PDE1A: variants seen among roughly 807,000 people sequenced by gnomAD.
PDE1A encodes dual specificity calcium/calmodulin-dependent 3',5'-cyclic nucleotide phosphodiesterase 1A.
A neutral mutation model predicts 61.7 loss-of-function variants in PDE1A; 35 were observed. That is an observed-to-expected ratio of 0.57 (90% CI 0.43 to 0.75). The LOEUF (loss-of-function observed/expected upper bound fraction) is 0.75. PDE1A is among the 30% of genes least tolerant of loss of function. PDE1A has a pLI of 0.00. For synonymous variants in PDE1A, 232 were observed against 213.2 expected, an observed-to-expected ratio of 1.09 and a Z score of -0.77; for missense variants, 597 against 630.6, an observed-to-expected ratio of 0.95 and a Z score of 0.57.
At chr2:182,583,792 T>C in the PDE1A span, among the ~76,000 whole-genome samples, 956 of 152,346 alleles carry the variant, frequency 6.3e-3, 9 homozygotes, top group African/African-American at 0.022. Flanking sequence ...GCCTTCATTA[T>C]ACAATGTTTC....
chr2:182,217,290 T>C (rs57733271), intron 7 of PDE1A, among the ~76,000 whole-genome samples: 24,232 of 53,664 alleles, frequency 0.45, 4,335 homozygotes, highest in East Asian at 0.63. Context: ...AAGACTTAAA[T>C]GTTAGACCTA....
chr2:182,421,521 C>T (rs925489980), intron 1 of PDE1A, among the ~76,000 whole-genome samples: 1 of 152,168 alleles, frequency 6.6e-6, no homozygotes, highest in Non-Finnish European at 1.5e-5. Context: ...ACACTTGCTA[C>T]TGCTGCTGAT....
intron 10 of PDE1A, among the ~76,000 whole-genome samples, chr2:182,199,322 T>G (rs1483134562): frequency 6.6e-6 from 1 of 151,980 alleles, no homozygotes; most frequent in Non-Finnish European, 1.5e-5. Context: ...GTTTTTGGCT[T>G]TTATATTTAT....
the PDE1A span, among the ~76,000 whole-genome samples, chr2:182,528,768 C>T: frequency 0.066 from 10,081 of 152,264 alleles, 359 homozygotes; most frequent in Middle Eastern, 0.1. Context: ...CCAGCCAGTC[C>T]AGCCATGGCT....
At chr2:182,377,979 T>TCAGCCTCCTGAGGC (rs1700510457) in intron 1 of PDE1A, among the ~76,000 whole-genome samples, 1 of 152,022 alleles carries the variant, frequency 6.6e-6, no homozygotes, top group Non-Finnish European at 1.5e-5. Context: ...CCTGAGTAGC[T>TCAGCCTCCTGAGGC]GGGACTATAG....
At chr2:182,714,266 A>G in the PDE1A span, among the ~76,000 whole-genome samples, 3 of 152,362 alleles carry the variant, frequency 2.0e-5, no homozygotes, top group Admixed American at 2.0e-4. Context: ...TCTTGATGTT[A>G]GAATTCCCCA....
chr2:182,517,605 C>G (rs766144133), intron 2 of PDE1A, among the ~76,000 whole-genome samples: 1 of 152,050 alleles, frequency 6.6e-6, no homozygotes. Flanking sequence ...GATTTTGTTA[C>G]GAGAAGAGAA....
intron 2 of PDE1A, among the ~76,000 whole-genome samples, chr2:182,449,179 G>C (rs2125708548): frequency 6.6e-6 from 1 of 151,698 alleles, no homozygotes; most frequent in Middle Eastern, 3.4e-3. Context: ...CAAAATGATA[G>C]CTTATCTAAC....
At chr2:182,161,955 C>T (rs1691403907) in intron 13 of PDE1A, among the ~76,000 whole-genome samples, 1 of 152,064 alleles carries the variant, frequency 6.6e-6, no homozygotes, top group African/African-American at 2.4e-5. Context: ...CAGGAGTGAG[C>T]TGGGGATGCC....
intron 1 of PDE1A, among the ~76,000 whole-genome samples, chr2:182,368,080 CT>C (rs1219092694): frequency 6.6e-6 from 1 of 152,132 alleles, no homozygotes; most frequent in Non-Finnish European, 1.5e-5. Flanking sequence ...CCAATCTTTT[CT>C]CATCTATCTC....
the PDE1A span, among the ~76,000 whole-genome samples, chr2:182,624,757 G>A: frequency 1.3e-5 from 2 of 152,138 alleles, no homozygotes; most frequent in African/African-American, 2.4e-5. Context: ...CACTATGCAC[G>A]TGTCCTAATT....
intron 11 of PDE1A, 71 bp from the exon 12 acceptor site, chr2:182,186,659 A>G: frequency 2.1e-6 from 3 of 1,462,788 alleles, no homozygotes; most frequent in Non-Finnish European, 2.8e-6. Context: ...CTGAAATCAG[A>G]AATAATGAAG....
At chr2:182,675,519 G>T in the PDE1A span, among the ~76,000 whole-genome samples, 2 of 152,228 alleles carry the variant, frequency 1.3e-5, no homozygotes, top group Non-Finnish European at 2.9e-5. Context: ...TTAGGTCTTT[G>T]AGGAATTGCC....
At chr2:182,685,828 T>C in the PDE1A span, among the ~76,000 whole-genome samples, 3 of 152,228 alleles carry the variant, frequency 2.0e-5, no homozygotes, top group Admixed American at 1.3e-4. Flanking sequence ...CAATATTTTC[T>C]TTCCACTTCC....
chr2:182,459,936 A>T (rs1045648488), intron 2 of PDE1A, among the ~76,000 whole-genome samples: 3 of 152,124 alleles, frequency 2.0e-5, no homozygotes, highest in Non-Finnish European at 4.4e-5. Flanking sequence ...TTATCATATT[A>T]TTCCACTTTA....
intron 1 of PDE1A, among the ~76,000 whole-genome samples, chr2:182,394,325 G>A (rs912378291): frequency 6.6e-6 from 1 of 152,102 alleles, no homozygotes; most frequent in Non-Finnish European, 1.5e-5. Flanking sequence ...GCATGCAGGG[G>A]AACTACCCTT....
At chr2:182,159,254 A>T (rs1691251574) in intron 13 of PDE1A, among the ~76,000 whole-genome samples, 2 of 152,200 alleles carry the variant, frequency 1.3e-5, no homozygotes, top group African/African-American at 4.8e-5. Context: ...TGACAGGTAT[A>T]TGAAGTGGCA....
At chr2:182,212,867 A>C (rs1197131405) in intron 7 of PDE1A, among the ~76,000 whole-genome samples, 2 of 152,158 alleles carry the variant, frequency 1.3e-5, no homozygotes, top group East Asian at 1.9e-4. Flanking sequence ...CCCAGCCTTG[A>C]TTAGGTAAAC....
the PDE1A span, among the ~76,000 whole-genome samples, chr2:182,552,439 GTT>G: frequency 1.5e-4 from 19 of 122,846 alleles, no homozygotes; most frequent in East Asian, 2.3e-4. Context: ...GCTACACAAA[GTT>G]TTTTTTTTTT....
Sources: allele counts gnomAD v4.1 joint callset (sites outside exome capture counted in the v4.1 genomes callset), GRCh38; gene constraint gnomAD v4.1.1; transcripts MANE v1.5; gene names NCBI Gene and HGNC (gene_info 2026-07-23, HGNC 2026-07-21).